DACH2: variants seen among roughly 807,000 people sequenced by gnomAD.
The protein encoded by DACH2 is dachshund homolog 2.
A neutral mutation model predicts 35.8 loss-of-function variants in DACH2; 17 were observed. The ratio of observed to expected loss-of-function variants is 0.48; its 90% CI spans 0.33 to 0.71. The LOEUF is 0.71. Among genes scored for constraint, DACH2 ranks in the 30% least tolerant of loss-of-function variants. The probability of loss-of-function intolerance (pLI) is 0.02; values close to 1 mark genes in which losing one functional copy is unlikely to be tolerated. For synonymous variants in DACH2, 195 were observed against 177.3 expected (o/e 1.10, Z -0.79); for missense variants, 469 against 472.7 (o/e 0.99, Z 0.07).
At chrX:86,332,335 A>G (rs2035228303) in intron 1 of DACH2, among the ~76,000 whole-genome samples, 1 of 111,611 alleles carries the variant, frequency 9.0e-6, no homozygotes, top group Non-Finnish European at 1.9e-5. Context: ...TGTATCTAAG[A>G]ATCATAATTG....
At chrX:86,789,918 G>A (rs1210929393) in intron 7 of DACH2, among the ~76,000 whole-genome samples, 1 of 110,746 alleles carries the variant, frequency 9.0e-6, no homozygotes, top group Admixed American at 9.6e-5. Flanking sequence ...CAAAGGTGGA[G>A]GAATGGAATT....
chrX:86,717,722 C>T (rs192166983), intron 6 of DACH2, among the ~76,000 whole-genome samples: 235 of 97,561 alleles, frequency 2.4e-3, no homozygotes, highest in Non-Finnish European at 4.1e-3. Flanking sequence ...GGAGCAGTGG[C>T]GGTGACATGT....
intron 1 of DACH2, among the ~76,000 whole-genome samples, chrX:86,158,975 G>A (rs1328046635): frequency 9.0e-6 from 1 of 111,595 alleles, no homozygotes; most frequent in Admixed American, 9.6e-5. Context: ...AATAAAACAT[G>A]TATTTCCACT....
At chrX:86,503,552 G>A (rs915955268) in intron 2 of DACH2, among the ~76,000 whole-genome samples, 10 of 112,045 alleles carry the variant, frequency 8.9e-5, no homozygotes, top group African/African-American at 3.2e-4. Context: ...TAGTATCAAA[G>A]GGACTCTCAC....
At chrX:86,605,865 A>AT (rs1237412512) in intron 3 of DACH2, among the ~76,000 whole-genome samples, 2 of 109,415 alleles carry the variant, frequency 1.8e-5, no homozygotes, top group Non-Finnish European at 3.8e-5. Flanking sequence ...ACAGGCATTC[A>AT]TTTTTTCTTT....
At chrX:86,439,302 C>T (rs1275773214) in intron 2 of DACH2, among the ~76,000 whole-genome samples, 1 of 111,626 alleles carries the variant, frequency 9.0e-6, no homozygotes, top group East Asian at 2.8e-4. Context: ...GGATTTCAGT[C>T]CCTTGTTGGA....
At chrX:86,340,536 A>G (rs1192299806) in intron 1 of DACH2, among the ~76,000 whole-genome samples, 2 of 110,856 alleles carry the variant, frequency 1.8e-5, no homozygotes, top group Non-Finnish European at 3.8e-5. Flanking sequence ...CAGTATTAAA[A>G]CTAGTCCAAG....
rs139410297 is a variant in DACH2 at position 86,678,975 on chromosome X, G to T, written c.773-16046G>T. Among the ~76,000 whole-genome samples the T allele has an allele frequency of 2.5e-3, 276 of 111,352 alleles. 1 individual carries two copies. Among genetic ancestry groups the T allele is most frequent in the African/African-American group, 8.5e-3 (259 of 30,634 alleles). On this transcript the variant is annotated intron_variant, in intron 4 of 11. Coordinates refer to ENST00000373125, the MANE Select transcript of DACH2 (RefSeq NM_053281.3). ...TGTTCCCTTGGTATCTTAGGTTCCA[G>T]ATCTCCATGTCCTTTTATCCTCTCC... is the stretch of plus-strand genomic sequence containing the variant.
At chrX:86,673,498 C>A (rs1312045631) in intron 4 of DACH2, among the ~76,000 whole-genome samples, 3 of 111,071 alleles carry the variant, frequency 2.7e-5, no homozygotes, top group Non-Finnish European at 5.7e-5. Flanking sequence ...GCCTGTACCC[C>A]CATTGTATCT....
Position 86,180,176 on chromosome X carries a change from G to GTATATATATATATATATATATATATA in DACH2, c.488+31074_488+31099dup, listed in dbSNP as rs72366047. On this transcript the variant is annotated intron_variant, in intron 1 of 11. Coordinates refer to ENST00000373125, the MANE Select transcript of DACH2 (RefSeq NM_053281.3). ...TGTCCCCTAGCAACCATGCTAAACC[G>GTATATATATATATATATATATATATA]TATATATATATATATATATATATAT... is the stretch of plus-strand genomic sequence containing the variant. 3.8e-3 allele frequency among the ~76,000 whole-genome samples: 162 copies of GTATATATATATATATATATATATATA among 42,901 alleles called. 19 individuals are homozygous for GTATATATATATATATATATATATATA. The highest frequency in any genetic ancestry group is 5.5e-3 in the Non-Finnish European group (116 of 21,185). The allele number at this position is 42,901 out of a possible 115,157, so 37.3% of individuals were successfully genotyped here.
intron 3 of DACH2, among the ~76,000 whole-genome samples, chrX:86,601,755 A>G (rs1263731182): frequency 1.8e-5 from 2 of 112,402 alleles, no homozygotes; most frequent in Non-Finnish European, 3.8e-5. Flanking sequence ...TGTGGTCTAG[A>G]GAGGTAAAGT....
intron 1 of DACH2, among the ~76,000 whole-genome samples, chrX:86,375,529 C>T (rs1016822488): frequency 1.9e-5 from 2 of 105,567 alleles, no homozygotes; most frequent in Non-Finnish European, 3.9e-5. Flanking sequence ...TCATATATAG[C>T]CCATTAAAAT....
intron 1 of DACH2, among the ~76,000 whole-genome samples, chrX:86,157,282 G>A (rs73236810): frequency 0.083 from 9,270 of 111,370 alleles, 338 homozygotes; most frequent in East Asian, 0.21. Context: ...TTGCAATTGT[G>A]TACAATGATC....
intron 3 of DACH2, among the ~76,000 whole-genome samples, chrX:86,645,529 A>C (rs1026823387): frequency 1.8e-5 from 2 of 110,746 alleles, no homozygotes; most frequent in South Asian, 7.6e-4. Context: ...CTACCATTTG[A>C]CCCAGCAATG....
At chrX:86,591,278 A>C (rs1028906506) in intron 3 of DACH2, among the ~76,000 whole-genome samples, 2 of 111,532 alleles carry the variant, frequency 1.8e-5, no homozygotes, top group Non-Finnish European at 3.8e-5. Flanking sequence ...TGCCGCAATA[A>C]ACATATGTGT....
chrX:86,324,424 T>C (rs2035072214), intron 1 of DACH2, among the ~76,000 whole-genome samples: 1 of 111,114 alleles, frequency 9.0e-6, no homozygotes, highest in Non-Finnish European at 1.9e-5. Flanking sequence ...TTATATAAAC[T>C]TAGTTGATAA....
intron 3 of DACH2, among the ~76,000 whole-genome samples, chrX:86,612,805 T>C (rs2039961694): frequency 8.9e-6 from 1 of 112,635 alleles, no homozygotes; most frequent in African/African-American, 3.2e-5. Flanking sequence ...TGAGTGTACT[T>C]TTTGTGTAGA....
At chrX:86,585,287 C>A (rs1314600543) in intron 3 of DACH2, among the ~76,000 whole-genome samples, 2 of 110,976 alleles carry the variant, frequency 1.8e-5, no homozygotes, top group Non-Finnish European at 3.8e-5. Context: ...GTAATGTTTC[C>A]TTTTTCCATA....
At chrX:86,196,711 A>AAG (rs1697580505) in intron 1 of DACH2, among the ~76,000 whole-genome samples, 2 of 106,870 alleles carry the variant, frequency 1.9e-5, no homozygotes, top group African/African-American at 6.8e-5. Flanking sequence ...AAAAAAAAAA[A>AAG]AAAAAAAAGA....
Sources: gnomAD v4.1 joint callset for allele counts (sites outside exome capture counted in the v4.1 genomes callset) on GRCh38, gnomAD v4.1.1 for gene constraint, MANE v1.5 for transcripts, NCBI Gene and HGNC (gene_info 2026-07-23, HGNC 2026-07-21) for gene names.